The following TPST1 variants were observed in gnomAD, a reference collection of about 807,000 sequenced individuals.
TPST1 encodes tyrosylprotein sulfotransferase 1.
In TPST1, 20 loss-of-function variants were observed where a neutral mutation model predicts 34.8. That is an observed-to-expected ratio of 0.57 (90% CI 0.40 to 0.84). The LOEUF (loss-of-function observed/expected upper bound fraction) is 0.84. TPST1 is among the 40% of genes least tolerant of loss of function. The pLI, the probability that TPST1 is intolerant of heterozygous loss-of-function variation, is 0.00. For synonymous variants in TPST1, 152 were observed against 159.4 expected (o/e 0.95, Z 0.35); for missense variants, 353 against 455.5 (o/e 0.78, Z 2.05).
chr7:66,241,341 G>GATCA, intron 2 of TPST1, 71 bp downstream of exon 2: 1 of 1,498,820 alleles, frequency 6.7e-7, no homozygotes, highest in Non-Finnish European at 8.9e-7. Flanking sequence ...ATGTATGTAT[G>GATCA]TGTTTTATGT....
At chr7:66,350,533 C>CA (rs77316510) in intron 3 of TPST1, among the ~76,000 whole-genome samples, 5,990 of 121,130 alleles carry the variant, frequency 0.049, 143 homozygotes, top group East Asian at 0.11. Flanking sequence ...TAACGGAGAA[C>CA]AAAAAAAAAA....
At chr7:66,340,436 G>T (rs148501193) in intron 3 of TPST1, among the ~76,000 whole-genome samples, 1 of 152,064 alleles carries the variant, frequency 6.6e-6, no homozygotes, top group African/African-American at 2.4e-5. Context: ...AAATTGGAAA[G>T]GAAGAAACCA....
chr7:66,350,934 T>C (rs1290376285), intron 3 of TPST1, among the ~76,000 whole-genome samples: 1 of 152,202 alleles, frequency 6.6e-6, no homozygotes, highest in Non-Finnish European at 1.5e-5. Context: ...AATTCATTTA[T>C]TGAATTTTGT....
At position 66,282,099 on chromosome 7, in the gene TPST1, A is replaced by G. The variant is rs553235000; in HGVS notation, c.846-4412A>G. Reference sequence around the variant, plus strand: ...AGGTCTCAGTAAGCTAAAGGGGTGTAGAATGGTATCTAGTTCATACCGTAG... The same window carrying G: ...AGGTCTCAGTAAGCTAAAGGGGTGTGGAATGGTATCTAGTTCATACCGTAG... On this transcript the variant is annotated intron_variant, in intron 2 of 5. Coordinates refer to ENST00000304842, the MANE Select transcript of TPST1 (RefSeq NM_003596.4). Among the ~76,000 whole-genome samples the G allele has an allele frequency of 2.0e-5, 3 of 152,306 alleles. No individual in the cohort carries two copies. In the South Asian group the frequency reaches 6.2e-4, roughly 32 times the overall value.
chr7:66,335,083 G>A (rs1037838154), intron 3 of TPST1, among the ~76,000 whole-genome samples: 1 of 152,168 alleles, frequency 6.6e-6, no homozygotes, highest in African/African-American at 2.4e-5. Flanking sequence ...TGTAATCAGT[G>A]GGAAGGCCTG....
At chr7:66,277,220 C>T (rs909244404) in intron 2 of TPST1, among the ~76,000 whole-genome samples, 2 of 152,174 alleles carry the variant, frequency 1.3e-5, no homozygotes, top group Admixed American at 1.3e-4. Flanking sequence ...CCATCTTTCT[C>T]TGGCCCCTTT....
At chr7:66,339,278 T>C (rs1280788540) in intron 3 of TPST1, among the ~76,000 whole-genome samples, 1 of 151,928 alleles carries the variant, frequency 6.6e-6, no homozygotes, top group Non-Finnish European at 1.5e-5. Flanking sequence ...CTCTGACACA[T>C]ACAACCTACC....
chr7:66,237,576 C>T (rs936912327), intron 1 of TPST1, among the ~76,000 whole-genome samples: 2 of 152,072 alleles, frequency 1.3e-5, no homozygotes, highest in African/African-American at 2.4e-5. Context: ...AAAACAAAAC[C>T]AAACCCCTGT....
intron 3 of TPST1, among the ~76,000 whole-genome samples, chr7:66,304,110 G>A (rs562865655): frequency 6.6e-6 from 1 of 152,302 alleles, no homozygotes; most frequent in Admixed American, 6.5e-5. Context: ...TGCAAATATG[G>A]GAGGACTAGA....
intron 3 of TPST1, among the ~76,000 whole-genome samples, chr7:66,342,002 A>G (rs1392285843): frequency 6.6e-6 from 1 of 152,220 alleles, no homozygotes; most frequent in Non-Finnish European, 1.5e-5. Flanking sequence ...AGAAAAGATA[A>G]GAAACTTAGA....
chr7:66,301,741 A>G (rs539057916), intron 3 of TPST1, among the ~76,000 whole-genome samples: 3 of 152,340 alleles, frequency 2.0e-5, no homozygotes, highest in South Asian at 2.1e-4. Flanking sequence ...ATTATGTTAT[A>G]TGGGCTTAGG....
chr7:66,244,017 CG>C (rs1021136737), intron 2 of TPST1, among the ~76,000 whole-genome samples: 28 of 147,600 alleles, frequency 1.9e-4, no homozygotes, highest in African/African-American at 6.8e-4. Context: ...GGCATGATCT[CG>C]GCTCACTGCG....
At chr7:66,312,090 G>T (rs1457004553) in intron 3 of TPST1, among the ~76,000 whole-genome samples, 2 of 152,208 alleles carry the variant, frequency 1.3e-5, no homozygotes, top group Non-Finnish European at 2.9e-5. Context: ...TTGTGTACAA[G>T]CACAAATTGC....
intron 2 of TPST1, among the ~76,000 whole-genome samples, chr7:66,276,365 C>CATATATATATACATATATATATATATAT (rs1554347639): frequency 1.1e-5 from 1 of 90,870 alleles, no homozygotes; most frequent in African/African-American, 6.0e-5. Flanking sequence ...AAAAACATTT[C>CATATATATATACATATATATATATATAT]ATATATATAT....
intron 3 of TPST1, among the ~76,000 whole-genome samples, chr7:66,334,903 C>G (rs1792065210): frequency 6.6e-6 from 1 of 152,148 alleles, no homozygotes; most frequent in Admixed American, 6.5e-5. Flanking sequence ...GGAGCCCACT[C>G]CCGTCCCATC....
chr7:66,209,270 A>G (rs1789196256), intron 1 of TPST1, among the ~76,000 whole-genome samples: 1 of 152,204 alleles, frequency 6.6e-6, no homozygotes, highest in African/African-American at 2.4e-5. Context: ...AATTAAAGAA[A>G]AAAGAAAAAT....
intron 1 of TPST1, among the ~76,000 whole-genome samples, chr7:66,231,842 G>A (rs1789803151): frequency 6.6e-6 from 1 of 152,268 alleles, no homozygotes; most frequent in African/African-American, 2.4e-5. Flanking sequence ...GGGAGCCCAG[G>A]CAGAGGAGGC....
At chr7:66,343,552 TA>T (rs1792282220) in intron 3 of TPST1, among the ~76,000 whole-genome samples, 1 of 152,048 alleles carries the variant, frequency 6.6e-6, no homozygotes, top group Non-Finnish European at 1.5e-5. Flanking sequence ...GAATCTAAAA[TA>T]AAAATTGATT....
At chr7:66,321,713 AG>A (rs1791761057) in intron 3 of TPST1, among the ~76,000 whole-genome samples, 1 of 152,260 alleles carries the variant, frequency 6.6e-6, no homozygotes, top group African/African-American at 2.4e-5. Context: ...CAGATGTGTA[AG>A]AACTTCAGTT....
Sources: gnomAD v4.1 joint callset for allele counts (sites outside exome capture counted in the v4.1 genomes callset) on GRCh38, gnomAD v4.1.1 for gene constraint, MANE v1.5 for transcripts, NCBI Gene and HGNC (gene_info 2026-07-23, HGNC 2026-07-21) for gene names.